The following SRPX variants were observed in gnomAD, a reference collection of about 807,000 sequenced individuals.
The protein encoded by SRPX is sushi repeat-containing protein SRPX.
SRPX carries 24 observed loss-of-function variants against 38.1 expected under a neutral mutation model. The ratio of observed to expected loss-of-function variants is 0.63; its 90% confidence interval spans 0.46 to 0.89. SRPX has a LOEUF of 0.89. Among genes scored for constraint, SRPX ranks in the 40% least tolerant of loss-of-function variants. SRPX has a pLI of 0.00. For missense variants in SRPX, 416 were observed against 377.8 expected (o/e 1.10, Z -0.84); for synonymous variants, 184 against 153.8 (o/e 1.20, Z -1.45).
rs1309096654 is a variant in SRPX at position 38,160,693 on chromosome X, C to T, written c.775+240G>A. 2.7e-5 allele frequency among the ~76,000 whole-genome samples: 3 copies of T among 111,002 alleles called. No homozygotes were observed. In the East Asian group the frequency reaches 8.5e-4, roughly 31 times the overall value. On this transcript the variant is annotated intron_variant, in intron 6 of 9. Coordinates refer to ENST00000378533, the MANE Select transcript of SRPX (RefSeq NM_006307.5). ...CTTCTAGGACAGTCAGCTATGGGAT[C>T]CTGTAAGACTAGTCCTGGGAACTCC...
intron 6 of SRPX, 63 bp from the exon 7 acceptor site, chrX:38,160,259 A>G: frequency 9.0e-7 from 1 of 1,112,800 alleles, no homozygotes; most frequent in East Asian, 3.0e-5. Context: ...GTAAGCAGAA[A>G]AGGTGAGGAT....
intron 4 of SRPX, among the ~76,000 whole-genome samples, chrX:38,169,466 A>T (rs1271572181): frequency 7.4e-5 from 8 of 107,446 alleles, no homozygotes; most frequent in Admixed American, 6.2e-4. Flanking sequence ...TGTGTTAATA[A>T]ATCTCCACCT....
chrX:38,169,600 G>A (rs998949782), intron 4 of SRPX, among the ~76,000 whole-genome samples: 5 of 112,170 alleles, frequency 4.5e-5, no homozygotes, highest in Non-Finnish European at 1.9e-5. Flanking sequence ...ATTACAATCC[G>A]TTCCACAGGG....
intron 1 of SRPX, among the ~76,000 whole-genome samples, chrX:38,211,904 C>G (rs34374629): frequency 0.29 from 31,827 of 110,013 alleles, 4,443 homozygotes; most frequent in Non-Finnish European, 0.42. Context: ...CTCACTCTCA[C>G]TCATCTCCCA....
intron 7 of SRPX, among the ~76,000 whole-genome samples, chrX:38,159,589 A>C (rs1012115181): frequency 1.8e-5 from 2 of 112,968 alleles, no homozygotes; most frequent in Admixed American, 1.9e-4. Context: ...TCTTCATTTT[A>C]CATAGGAGGA....
At chrX:38,164,457 C>T (rs1467774912) in intron 5 of SRPX, among the ~76,000 whole-genome samples, 2 of 112,277 alleles carry the variant, frequency 1.8e-5, no homozygotes, top group East Asian at 5.6e-4. Context: ...TGTTTTGATA[C>T]AGGCATGCAA....
chrX:38,166,930 C>T lies in SRPX; in HGVS notation c.527-2035G>A, dbSNP rs1364013768. On this transcript the variant is annotated intron_variant, in intron 4 of 9. Coordinates refer to ENST00000378533, the MANE Select transcript of SRPX (RefSeq NM_006307.5). ...ATCTGGGTGAAGAGTCTCAGAGTTT[C>T]CCAAAGCCAGCTTATCTCTAGCTAA... Among the ~76,000 whole-genome samples, 7 of 111,572 alleles carry T rather than the reference C, an allele frequency of 6.3e-5. No homozygotes were observed. The Admixed American group carries it at 6.7e-4, about 11-fold the overall frequency.
chrX:38,174,625 C>A (rs180882269), intron 2 of SRPX, among the ~76,000 whole-genome samples: 4 of 111,800 alleles, frequency 3.6e-5, no homozygotes, highest in Non-Finnish European at 7.5e-5. Context: ...ATACTTATGC[C>A]ATAGTGCTGT....
chrX:38,187,450 C>A, intron 1 of SRPX, among the ~76,000 whole-genome samples: 1 of 111,826 alleles, frequency 8.9e-6, no homozygotes, highest in East Asian at 2.8e-4. Context: ...AAACTGTTGT[C>A]AAGTTTACTC....
In SRPX at chrX:38,157,041, A is replaced by T. The variant is rs200657714; in HGVS notation, c.956-12T>A. ...ATTGACGTTCATGGCTGTAATCAGA[A>T]ATGGCCACATGGGTCAGAAACCTTC... On this transcript the variant is annotated splice_polypyrimidine_tract_variant and intron_variant, in intron 7 of 9. Transcript: ENST00000378533. The T allele has an allele frequency of 8.3e-7, 1 of 1,207,889 alleles. No homozygotes were observed. Among genetic ancestry groups the T allele is most frequent in the East Asian group, 3.0e-5 (1 of 33,709 alleles).
At chrX:38,167,778 C>T (rs184007033) in intron 4 of SRPX, among the ~76,000 whole-genome samples, 88 of 110,486 alleles carry the variant, frequency 8.0e-4, no homozygotes, top group African/African-American at 2.5e-3. Context: ...ACTTTTTTTT[C>T]GAGACAGGCT....
chrX:38,171,876 C>T lies in SRPX; in HGVS notation c.526+5G>A. The T allele has an allele frequency of 3.3e-6, 4 of 1,211,225 alleles. No homozygotes were observed. Among genetic ancestry groups the T allele is most frequent in the Non-Finnish European group, 4.5e-6 (4 of 895,133 alleles). ...TGCCTCCTAAGGGCTGTGGCATTTT[C>T]TTACCCACACAGGAGGCTGGCCGGC... On this transcript the variant is annotated splice_donor_5th_base_variant and intron_variant, in intron 4 of 9. Coordinates refer to ENST00000378533, the MANE Select transcript of SRPX (RefSeq NM_006307.5).
intron 1 of SRPX, among the ~76,000 whole-genome samples, chrX:38,186,532 G>T (rs2147106827): frequency 8.9e-6 from 1 of 112,266 alleles, no homozygotes; most frequent in South Asian, 3.7e-4. Context: ...AAGGGCATTT[G>T]CCTTAAAGTC....
chrX:38,190,809 C>A (rs1301691110), intron 1 of SRPX, among the ~76,000 whole-genome samples: 1 of 111,681 alleles, frequency 9.0e-6, no homozygotes, highest in Non-Finnish European at 1.9e-5. Context: ...GAAAGAAGAG[C>A]CTTTCTTTTG....
chrX:38,217,337 G>A (rs759776553), intron 1 of SRPX, among the ~76,000 whole-genome samples: 1 of 112,154 alleles, frequency 8.9e-6, no homozygotes, highest in African/African-American at 3.2e-5. Context: ...CTTCCCATTG[G>A]AGCGATCAAG....
chrX:38,187,422 A>G (rs1348452638), intron 1 of SRPX, among the ~76,000 whole-genome samples: 2 of 111,955 alleles, frequency 1.8e-5, no homozygotes, highest in Non-Finnish European at 3.8e-5. Flanking sequence ...CCATACAGTC[A>G]ATCTTTTTCA....
In SRPX at chrX:38,161,015, TG is replaced by T. The variant is rs749373974; in HGVS notation, c.692del (p.Pro231GlnfsTer27). The T allele has an allele frequency of 9.9e-6, 12 of 1,210,600 alleles. No homozygotes were observed. The highest frequency in any genetic ancestry group is 1.3e-5 in the Non-Finnish European group (12 of 895,065). ...TGTACTGGATCTTGTGGTCTCCTTC[TG>T]GAAAGTTGGAGCCTGGGGGGAGGCC... ...LKGLPPGSNF[P>X]EGDHKIQYTV... is the part of the protein sequence containing the mutation. On this transcript the variant is annotated frameshift_variant, in exon 6 of 10. Transcript: ENST00000378533. LOFTEE classifies it high-confidence loss of function.
chrX:38,182,882 T>C (rs980398976), intron 1 of SRPX, among the ~76,000 whole-genome samples: 1 of 111,567 alleles, frequency 9.0e-6, no homozygotes, highest in Non-Finnish European at 1.9e-5. Flanking sequence ...TTGGATGATG[T>C]CACCAGACTA....
intron 6 of SRPX, 37 bp downstream of exon 6, chrX:38,160,896 G>T: frequency 8.3e-7 from 1 of 1,199,031 alleles, no homozygotes; most frequent in East Asian, 3.0e-5. Context: ...CTCTTCTAAA[G>T]AGAGGGGGAA....
Sources: allele counts gnomAD v4.1 joint callset (sites outside exome capture counted in the v4.1 genomes callset), GRCh38; gene constraint gnomAD v4.1.1; transcripts MANE v1.5; gene names NCBI Gene and HGNC (gene_info 2026-07-23, HGNC 2026-07-21).